PPFIA1: variants seen among roughly 807,000 people sequenced by gnomAD.
The protein encoded by PPFIA1 is liprin-alpha-1.
A neutral mutation model predicts 149.9 loss-of-function variants in PPFIA1; 25 were observed. The ratio of observed to expected loss-of-function variants is 0.17; its 90% CI spans 0.12 to 0.23. The LOEUF is 0.23. Ranked by LOEUF, PPFIA1 falls within the 10% of genes least tolerant of loss-of-function variation. The pLI, the probability that PPFIA1 is intolerant of heterozygous loss-of-function variation, is 1.00. For missense variants in PPFIA1, 1,362 were observed against 1,506.5 expected, an observed-to-expected ratio of 0.90 and a Z score of 1.59; for synonymous variants, 549 against 552.8, an observed-to-expected ratio of 0.99 and a Z score of 0.10.
chr11:70,353,018 T>C (rs2056161982), intron 16 of PPFIA1, among the ~76,000 whole-genome samples: 1 of 152,212 alleles, frequency 6.6e-6, no homozygotes, highest in South Asian at 2.1e-4. Flanking sequence ...TTTCTAGCTT[T>C]GAAAGCCTTT....
intron 2 of PPFIA1, among the ~76,000 whole-genome samples, chr11:70,293,262 T>C (rs1222242448): frequency 2.6e-5 from 4 of 152,366 alleles, no homozygotes; most frequent in East Asian, 1.9e-4. Flanking sequence ...TCAGTTTTTT[T>C]CCCCTTCTTC....
At chr11:70,371,139 T>G (rs945545381) in intron 21 of PPFIA1, among the ~76,000 whole-genome samples, 3 of 152,142 alleles carry the variant, frequency 2.0e-5, no homozygotes, top group African/African-American at 7.2e-5. Flanking sequence ...CCCTTGTAAT[T>G]TCTTGCTGTG....
At chr11:70,344,684 C>G (rs866785573) in intron 15 of PPFIA1, among the ~76,000 whole-genome samples, 1 of 152,228 alleles carries the variant, frequency 6.6e-6, no homozygotes, top group South Asian at 2.1e-4. Context: ...CATCGTCACT[C>G]AACAGCTAGT....
intron 2 of PPFIA1, among the ~76,000 whole-genome samples, chr11:70,294,394 T>G (rs1042878522): frequency 6.6e-6 from 1 of 152,112 alleles, no homozygotes; most frequent in Non-Finnish European, 1.5e-5. Flanking sequence ...ATCCAGTGTT[T>G]CTGCTGAAGG....
At chr11:70,367,522 A>C (rs1435990653) in intron 21 of PPFIA1, 1 of 455,990 alleles carries the variant, frequency 2.2e-6, no homozygotes, top group Non-Finnish European at 4.4e-6. Context: ...CAGTGCTGGG[A>C]GTAAACACTG....
At chr11:70,302,674 T>G (rs1041368365) in intron 2 of PPFIA1, among the ~76,000 whole-genome samples, 1 of 152,228 alleles carries the variant, frequency 6.6e-6, no homozygotes, top group African/African-American at 2.4e-5. Context: ...GCCTTAGCTG[T>G]ATGGTCTCGA....
intron 15 of PPFIA1, 100 bp downstream of exon 15, chr11:70,343,992 T>G (rs1300930246): frequency 9.7e-7 from 1 of 1,026,586 alleles, no homozygotes; most frequent in Non-Finnish European, 1.4e-6. Context: ...TAACATTTTC[T>G]AAGTATTACA....
chr11:70,274,250 G>A (rs1202936110), intron 2 of PPFIA1, among the ~76,000 whole-genome samples: 1 of 152,110 alleles, frequency 6.6e-6, no homozygotes, highest in African/African-American at 2.4e-5. Context: ...GCACATTGTG[G>A]AGGCAAGTTA....
intron 2 of PPFIA1, among the ~76,000 whole-genome samples, chr11:70,311,987 C>T (rs1252457701): frequency 1.3e-5 from 2 of 151,564 alleles, no homozygotes; most frequent in South Asian, 2.1e-4. Context: ...GGACTACAGG[C>T]ATGCACCACC....
intron 2 of PPFIA1, among the ~76,000 whole-genome samples, chr11:70,276,502 CTTG>C (rs2050388824): frequency 6.6e-6 from 1 of 152,020 alleles, no homozygotes. Flanking sequence ...CTTCAGTACC[CTTG>C]TTGGGATTTG....
chr11:70,336,733 C>G (rs1013649612), intron 11 of PPFIA1, among the ~76,000 whole-genome samples: 1 of 152,142 alleles, frequency 6.6e-6, no homozygotes, highest in African/African-American at 2.4e-5. Flanking sequence ...GAATCTGTGT[C>G]GGAGAAGCTC....
intron 15 of PPFIA1, chr11:70,345,832 T>C: frequency 4.5e-6 from 1 of 223,628 alleles, no homozygotes; most frequent in Admixed American, 5.2e-5. Context: ...TCTCAAAAAA[T>C]ATAAAAATTA....
intron 2 of PPFIA1, among the ~76,000 whole-genome samples, chr11:70,295,359 G>A (rs1312189265): frequency 2.0e-5 from 3 of 147,090 alleles, no homozygotes; most frequent in African/African-American, 7.5e-5. Flanking sequence ...CTCCCGGATG[G>A]GGCGGCTGGC....
At chr11:70,296,796 T>C (rs930965512) in intron 2 of PPFIA1, among the ~76,000 whole-genome samples, 1 of 151,206 alleles carries the variant, frequency 6.6e-6, no homozygotes, top group African/African-American at 2.4e-5. Context: ...GAATTTTCTT[T>C]ATCACATTTG....
intron 2 of PPFIA1, among the ~76,000 whole-genome samples, chr11:70,277,060 A>ATAATATATATATATATATTTTTTT: frequency 6.0e-5 from 4 of 66,326 alleles, no homozygotes; most frequent in African/African-American, 4.7e-4. Flanking sequence ...ATATATATAT[A>ATAATATATATATATATATTTTTTT]TTTTTTTTTT....
intron 3 of PPFIA1, 145 bp downstream of exon 3, chr11:70,324,648 A>G: frequency 1.2e-6 from 1 of 869,028 alleles, no homozygotes; most frequent in South Asian, 1.7e-5. Context: ...GTGATTAGTC[A>G]GCATGATCAC....
rs745423628 is a variant in PPFIA1 at position 70,272,582 on chromosome 11, A to G, written c.264+146A>G. On this transcript the variant is annotated intron_variant, in intron 2 of 27. Transcript: ENST00000253925. ...TCTGGTGTTTGTAAGTCAAATACAAAGTTCCTAGGGATTAAACTTCTTAGG... is the reference window on the plus strand; with the variant it reads ...TCTGGTGTTTGTAAGTCAAATACAAGGTTCCTAGGGATTAAACTTCTTAGG... 74 of 998,026 alleles carry G rather than the reference A, an allele frequency of 7.4e-5. 1 individual carries two copies. Among genetic ancestry groups the G allele is most frequent in the Non-Finnish European group, 9.8e-5 (68 of 694,896 alleles). 61.8% of individuals were successfully genotyped at this position (998,026 alleles called of 1,614,324 possible).
At chr11:70,367,504 G>A (rs1296923096) in intron 21 of PPFIA1, 1 of 455,958 alleles carries the variant, frequency 2.2e-6, no homozygotes, top group Non-Finnish European at 4.4e-6. Context: ...TTGTACTTGT[G>A]GCTGTTTCAG....
chr11:70,375,161 A>T, intron 24 of PPFIA1, 68 bp downstream of exon 24: 16 of 527,866 alleles, frequency 3.0e-5, no homozygotes, highest in Non-Finnish European at 4.0e-5. Context: ...ACAGCTAGTT[A>T]TTCGAATAGA....
Sources: gnomAD v4.1 joint callset for allele counts (sites outside exome capture counted in the v4.1 genomes callset) on GRCh38, gnomAD v4.1.1 for gene constraint, MANE v1.5 for transcripts, NCBI Gene and HGNC (gene_info 2026-07-23, HGNC 2026-07-21) for gene names.